Variants in INSC observed in about 807,000 individuals in gnomAD.
INSC encodes protein inscuteable homolog.
In INSC, 67 loss-of-function variants were observed where a neutral mutation model predicts 58.6. That is an observed-to-expected ratio of 1.14 (90% CI 0.94 to 1.40). The LOEUF is 1.40. Ranked by LOEUF, INSC falls within the 40% of genes most tolerant of loss-of-function variation. The pLI, the probability that INSC is intolerant of heterozygous loss-of-function variation, is 0.00. For missense variants in INSC, 714 were observed against 692.0 expected, an observed-to-expected ratio of 1.03 and a Z score of -0.36; for synonymous variants, 262 against 276.1, an observed-to-expected ratio of 0.95 and a Z score of 0.51.
intron 9 of INSC, among the ~76,000 whole-genome samples, chr11:15,230,437 C>T (rs1189560404): frequency 2.6e-5 from 4 of 152,072 alleles, no homozygotes; most frequent in Non-Finnish European, 5.9e-5. Flanking sequence ...AGAACTCACT[C>T]ACTATCATAA....
intron 7 of INSC, among the ~76,000 whole-genome samples, chr11:15,203,147 G>C (rs1270211102): frequency 2.6e-5 from 4 of 152,164 alleles, no homozygotes; most frequent in Non-Finnish European, 5.9e-5. Context: ...GTAAGTGTTA[G>C]AGCCAGAATT....
intron 6 of INSC, among the ~76,000 whole-genome samples, chr11:15,194,071 T>A (rs1004486557): frequency 6.6e-6 from 1 of 152,238 alleles, no homozygotes; most frequent in Non-Finnish European, 1.5e-5. Context: ...GATGGTGGTT[T>A]TCATTAATTA....
intron 2 of INSC, among the ~76,000 whole-genome samples, chr11:15,172,434 A>G (rs1017834696): frequency 1.3e-5 from 2 of 152,160 alleles, no homozygotes; most frequent in African/African-American, 4.8e-5. Context: ...TGAATAACTG[A>G]TATATGTCAG....
At chr11:15,205,879 G>C (rs1040329998) in intron 7 of INSC, among the ~76,000 whole-genome samples, 2 of 152,166 alleles carry the variant, frequency 1.3e-5, no homozygotes, top group African/African-American at 4.8e-5. Context: ...CAGGTTCTCT[G>C]TGTTGGCCTG....
chr11:15,268,015 T>C, the INSC span, among the ~76,000 whole-genome samples: 1 of 152,128 alleles, frequency 6.6e-6, no homozygotes, highest in South Asian at 2.1e-4. Context: ...TAATACCATC[T>C]TCTCAATTCA....
chr11:15,173,349 A>G (rs1294383906), intron 2 of INSC, among the ~76,000 whole-genome samples: 2 of 152,194 alleles, frequency 1.3e-5, no homozygotes, highest in African/African-American at 4.8e-5. Flanking sequence ...AAGTCTGTGT[A>G]AGAATGCATG....
At chr11:15,170,148 G>A (rs765547526) in intron 2 of INSC, among the ~76,000 whole-genome samples, 33 of 152,062 alleles carry the variant, frequency 2.2e-4, no homozygotes, top group Non-Finnish European at 1.0e-4. Flanking sequence ...TTTTGTGTGT[G>A]ACATTTTTAT....
intron 5 of INSC, among the ~76,000 whole-genome samples, chr11:15,180,555 C>T (rs1035497312): frequency 2.6e-5 from 4 of 152,084 alleles, no homozygotes; most frequent in Admixed American, 2.6e-4. Flanking sequence ...CCTACTTCCC[C>T]AGCTGTTCCC....
In INSC at chr11:15,209,801, G is replaced by A. The variant is rs183342380; in HGVS notation, c.819+8852G>A. ...CCACATTCCCGAGATCAACCACAGG[G>A]CTGAGACCAGAATGCAGAATGTCTG... On this transcript the variant is annotated intron_variant, in intron 7 of 12. Coordinates refer to ENST00000379556, the MANE Select transcript of INSC (RefSeq NM_001042536.3). Among the ~76,000 whole-genome samples, 353 of 152,302 alleles carry A rather than the reference G, an allele frequency of 2.3e-3. 5 individuals carry two copies. The highest frequency in any genetic ancestry group is 0.021 in the Admixed American group (325 of 15,296).
At chr11:15,228,074 T>TAATA (rs1208007553) in intron 9 of INSC, among the ~76,000 whole-genome samples, 2 of 152,312 alleles carry the variant, frequency 1.3e-5, no homozygotes, top group Non-Finnish European at 2.9e-5. Flanking sequence ...TTAAATTAAT[T>TAATA]AATAAATAAA....
chr11:15,206,248 G>C (rs1269687093), intron 7 of INSC, among the ~76,000 whole-genome samples: 1 of 152,160 alleles, frequency 6.6e-6, no homozygotes. Flanking sequence ...TAAGCAGGAG[G>C]CCCCACCTCT....
chr11:15,238,797 G>A, intron 10 of INSC, 122 bp from the exon 11 acceptor site: 4 of 947,664 alleles, frequency 4.2e-6, no homozygotes, highest in Non-Finnish European at 6.3e-6. Flanking sequence ...CTCCCTGTGG[G>A]TGAGACCCCT....
intron 2 of INSC, among the ~76,000 whole-genome samples, chr11:15,156,174 G>T (rs1590372489): frequency 1.3e-5 from 2 of 152,222 alleles, no homozygotes; most frequent in African/African-American, 4.8e-5. Flanking sequence ...TTGAGGCCAG[G>T]GTCAGAAGTT....
intron 7 of INSC, among the ~76,000 whole-genome samples, chr11:15,217,431 T>C (rs920451477): frequency 6.6e-6 from 1 of 152,068 alleles, no homozygotes; most frequent in Non-Finnish European, 1.5e-5. Context: ...GTTCAGCTAG[T>C]AAAGGATAGA....
In INSC at chr11:15,246,947, T is replaced by G. The variant is rs1030229138; in HGVS notation, c.*907T>G. 4 of 152,152 alleles carry G rather than the reference T, an allele frequency of 2.6e-5. No homozygotes were observed. Among genetic ancestry groups the G allele is most frequent in the African/African-American group, 9.7e-5 (4 of 41,434 alleles). 9.4% of individuals were successfully genotyped at this position (152,152 alleles called of 1,614,324 possible). A position where few individuals can be genotyped will look rare whatever the true frequency, so the allele number is the denominator to read the frequency against. On this transcript the variant is annotated 3_prime_UTR_variant, in exon 13 of 13. Coordinates refer to ENST00000379556, the MANE Select transcript of INSC (RefSeq NM_001042536.3). ...GCGTTGGTAGCCATGAGCTACTTCA[T>G]GAGCCCTCATGTTGAAATTGGCCAT...
At chr11:15,121,587 C>G (rs1457264390) in intron 1 of INSC, among the ~76,000 whole-genome samples, 2 of 152,160 alleles carry the variant, frequency 1.3e-5, no homozygotes, top group African/African-American at 2.4e-5. Context: ...TTTTTTCTCT[C>G]TGGAATTAAT....
At chr11:15,221,390 G>A (rs1296794449) in intron 7 of INSC, 87 bp from the exon 8 acceptor site, 1 of 1,458,390 alleles carries the variant, frequency 6.9e-7, no homozygotes, top group African/African-American at 1.4e-5. Flanking sequence ...CATGTAGTGG[G>A]GGCTGAATCT....
chr11:15,232,692 T>C (rs1851971206), intron 9 of INSC, among the ~76,000 whole-genome samples: 1 of 152,148 alleles, frequency 6.6e-6, no homozygotes, highest in Admixed American at 6.5e-5. Flanking sequence ...GACATAGGAA[T>C]GTTATCCTTG....
intron 5 of INSC, among the ~76,000 whole-genome samples, chr11:15,186,974 A>C (rs1218008274): frequency 6.6e-6 from 1 of 152,224 alleles, no homozygotes; most frequent in African/African-American, 2.4e-5. Flanking sequence ...TCTGTGCAGC[A>C]ACAACAGATG....
Sources: gnomAD v4.1 joint callset for allele counts (sites outside exome capture counted in the v4.1 genomes callset) on GRCh38, gnomAD v4.1.1 for gene constraint, MANE v1.5 for transcripts, NCBI Gene and HGNC (gene_info 2026-07-23, HGNC 2026-07-21) for gene names.